The following TAOK3 variants were observed in gnomAD, a reference collection of about 807,000 sequenced individuals.
TAOK3 encodes serine/threonine-protein kinase TAO3.
Under a neutral mutation model 120.4 loss-of-function variants are expected in TAOK3, and 40 were observed. The ratio of observed to expected loss-of-function variants is 0.33; its 90% CI spans 0.26 to 0.43. The LOEUF (loss-of-function observed/expected upper bound fraction) is 0.43, where lower values mean the gene tolerates loss of function less well. TAOK3 is among the 20% of genes least tolerant of loss of function. TAOK3 has a pLI of 1.00. For synonymous variants in TAOK3, 355 were observed against 387.5 expected, an observed-to-expected ratio of 0.92 and a Z score of 0.99; for missense variants, 821 against 1,112.1, an observed-to-expected ratio of 0.74 and a Z score of 3.72.
chr12:118,234,157 T>C (rs987111962), intron 8 of TAOK3, among the ~76,000 whole-genome samples: 1 of 150,772 alleles, frequency 6.6e-6, no homozygotes, highest in South Asian at 2.1e-4. Flanking sequence ...TATTGCTTTA[T>C]ATAGTTCCAT....
At chr12:118,359,008 C>G (rs576428413) in intron 1 of TAOK3, 1 of 152,164 alleles carries the variant, frequency 6.6e-6, no homozygotes, top group Non-Finnish European at 1.5e-5. Context: ...ACAATCAATA[C>G]GATTTCCCCA....
Position 118,247,579 on chromosome 12 carries a change from A to C in TAOK3, c.121-2614T>G, listed in dbSNP as rs548728291. Among the ~76,000 whole-genome samples, 156 of 152,096 alleles carry C rather than the reference A, an allele frequency of 1.0e-3. No individual in the cohort carries two copies. The South Asian group carries it at 0.013, about 13-fold the overall frequency. On this transcript the variant is annotated intron_variant, in intron 3 of 20. Coordinates refer to ENST00000392533, the MANE Select transcript of TAOK3 (RefSeq NM_016281.4). The stretch of plus-strand genomic sequence containing the variant: ...ATCCAGGCTGGAGTGCAGTGGTACA[A>C]TCTCAGCTCACTGCAACCTCTGCCT...
intron 13 of TAOK3, 28 bp downstream of exon 13, chr12:118,199,023 C>T (rs370082014): frequency 3.4e-4 from 548 of 1,613,094 alleles, no homozygotes; most frequent in Non-Finnish European, 4.3e-4. Context: ...ACAAAGCTCA[C>T]CTCTGTGGAG....
chr12:118,283,413 C>A (rs1012846533), intron 1 of TAOK3, among the ~76,000 whole-genome samples: 1 of 152,098 alleles, frequency 6.6e-6, no homozygotes. Flanking sequence ...ATGGAAGAGA[C>A]AGTATTTTGA....
chr12:118,226,301 G>A (rs1482830453), intron 9 of TAOK3, among the ~76,000 whole-genome samples: 3 of 152,176 alleles, frequency 2.0e-5, no homozygotes, highest in African/African-American at 4.8e-5. Context: ...GTGTGAACCC[G>A]GGAGGCGGAG....
intron 1 of TAOK3, among the ~76,000 whole-genome samples, chr12:118,363,077 T>C (rs1030041303): frequency 6.7e-6 from 1 of 149,022 alleles, no homozygotes; most frequent in African/African-American, 2.5e-5. Context: ...AAACAAACTT[T>C]CAAATACCAA....
At chr12:118,205,825 G>C (rs1336376834) in intron 11 of TAOK3, among the ~76,000 whole-genome samples, 3 of 151,914 alleles carry the variant, frequency 2.0e-5, no homozygotes, top group Admixed American at 6.6e-5. Flanking sequence ...TGGCCAGGCT[G>C]GTCTCAAACT....
Position 118,199,150 on chromosome 12 carries a change from G to A in TAOK3, c.1095C>T (p.Asn365=), listed in dbSNP as rs143741497. ...VSTGSQSSSV[N]SMQEVMDESS... ...TCTCGTCCATGACTTCCTGCATGCT[G>A]TTCACACTGCTGCTCTGGCTGCCTG... is the stretch of plus-strand genomic sequence containing the variant. The change falls in exon 13 of 21, where the codon AAC becomes AAT. Residue 365 remains asparagine (N), a synonymous_variant. Transcript: ENST00000392533. The A allele has an allele frequency of 1.4e-5, 22 of 1,614,160 alleles. No individual in the cohort carries two copies. In the African/African-American group the frequency reaches 1.9e-4, roughly 14 times the overall value.
chr12:118,163,008 T>C (rs1236837514), intron 17 of TAOK3, among the ~76,000 whole-genome samples: 2 of 152,228 alleles, frequency 1.3e-5, no homozygotes, highest in African/African-American at 4.8e-5. Flanking sequence ...TAGACATTTA[T>C]TGAAGTATAT....
intron 1 of TAOK3, among the ~76,000 whole-genome samples, chr12:118,291,934 C>A (rs958825569): frequency 1.3e-5 from 2 of 152,138 alleles, no homozygotes; most frequent in Non-Finnish European, 2.9e-5. Flanking sequence ...CTGCCTCAGC[C>A]TCCCCAGTAG....
intron 1 of TAOK3, among the ~76,000 whole-genome samples, chr12:118,318,221 G>A (rs886584496): frequency 3.3e-5 from 5 of 149,522 alleles, no homozygotes; most frequent in African/African-American, 1.2e-4. Context: ...GCAATGACGC[G>A]ATCTTGGCTC....
chr12:118,152,598 C>T (rs1592948968), intron 19 of TAOK3, 189 bp from the exon 20 acceptor site: 3 of 559,466 alleles, frequency 5.4e-6, no homozygotes, highest in East Asian at 5.7e-5. Context: ...CAATGGGCTA[C>T]AATACCAAAC....
rs561345606 is a variant in TAOK3, at chr12:118,307,843, T to A, written c.-193-41084A>T. On this transcript the variant is annotated intron_variant, in intron 1 of 20. Transcript: ENST00000392533. ...TTAAGCTGCATACTGCTCCAATGAG[T>A]AGTCTGTAGACTTGTTACCATCTGT... Among the ~76,000 whole-genome samples, 6 of 152,286 alleles carry A rather than the reference T, an allele frequency of 3.9e-5. 1 individual carries two copies. The South Asian group carries it at 1.2e-3, about 32-fold the overall frequency.
chr12:118,243,922 G>A (rs1006217636), intron 4 of TAOK3, among the ~76,000 whole-genome samples: 42 of 151,996 alleles, frequency 2.8e-4, no homozygotes, highest in African/African-American at 7.7e-4. Flanking sequence ...CAGGTGATCC[G>A]CCCACCTTGG....
chr12:118,173,773 A>G (rs962411042), intron 16 of TAOK3, among the ~76,000 whole-genome samples: 2 of 152,232 alleles, frequency 1.3e-5, no homozygotes, highest in African/African-American at 4.8e-5. Context: ...ACTACTTGTT[A>G]AGAAAGTACA....
chr12:118,220,073 T>C (rs1245226846), intron 9 of TAOK3, among the ~76,000 whole-genome samples: 3 of 151,500 alleles, frequency 2.0e-5, no homozygotes, highest in African/African-American at 7.3e-5. Flanking sequence ...GCTTGGCTAA[T>C]TTTTTTAAGG....
intron 12 of TAOK3, chr12:118,199,659 CA>C (rs764646606): frequency 1.5e-4 from 29 of 198,918 alleles, no homozygotes; most frequent in Admixed American, 8.5e-4. Flanking sequence ...TCTTCAAATA[CA>C]GCAGTGGTCA....
At chr12:118,177,079 T>C in intron 16 of TAOK3, 122 bp downstream of exon 16, 7 of 1,077,144 alleles carry the variant, frequency 6.5e-6, no homozygotes, top group Non-Finnish European at 9.4e-6. Flanking sequence ...CATTTTAGGG[T>C]ATTCTAATGT....
chr12:118,213,112 C>T (rs353886), intron 10 of TAOK3, 117 bp from the exon 11 acceptor site: 266,319 of 536,540 alleles, frequency 0.5, 68,566 homozygotes, highest in Non-Finnish European at 0.54. Flanking sequence ...TAAAAAAATG[C>T]TTTGGAATAT....
Sources: gnomAD v4.1 joint callset for allele counts (sites outside exome capture counted in the v4.1 genomes callset) on GRCh38, gnomAD v4.1.1 for gene constraint, MANE v1.5 for transcripts, NCBI Gene and HGNC (gene_info 2026-07-23, HGNC 2026-07-21) for gene names.